Variants in ACAP2 observed in about 807,000 individuals in gnomAD.
ACAP2 encodes ArfGAP with coiled-coil, ankyrin repeat and PH domains 2.
Under a neutral mutation model 115.8 loss-of-function variants are expected in ACAP2, and 39 were observed. That is an observed-to-expected ratio of 0.34 (90% CI 0.26 to 0.44). The LOEUF is 0.44. Ranked by LOEUF, ACAP2 falls within the 20% of genes least tolerant of loss-of-function variation. The probability of loss-of-function intolerance (pLI) is 1.00; values close to 1 mark genes in which losing one functional copy is unlikely to be tolerated. For missense variants in ACAP2, 662 were observed against 927.6 expected (o/e 0.71, Z 3.72); for synonymous variants, 289 against 315.8 (o/e 0.92, Z 0.90).
intron 22 of ACAP2, 186 bp from the exon 23 acceptor site, chr3:195,279,614 A>C: frequency 2.4e-6 from 1 of 414,802 alleles, no homozygotes; most frequent in Admixed American, 4.4e-5. Flanking sequence ...GAAAAAAAAA[A>C]ACTATACCTG....
intron 6 of ACAP2, 146 bp downstream of exon 6, chr3:195,342,325 C>A: frequency 2.7e-6 from 2 of 728,482 alleles, no homozygotes; most frequent in Non-Finnish European, 2.1e-6. Flanking sequence ...CTAATAGCTA[C>A]ACAGATGGAA....
intron 9 of ACAP2, chr3:195,326,493 A>C (rs1037098818): frequency 6.1e-6 from 1 of 164,434 alleles, no homozygotes; most frequent in Admixed American, 6.0e-5. Flanking sequence ...CCAAACACGC[A>C]TGTTGACACT....
Position 195,428,812 on chromosome 3 carries a change from C to T in ACAP2, c.53+13983G>A, listed in dbSNP as rs75235622. Among the ~76,000 whole-genome samples, 710 of 152,184 alleles carry T rather than the reference C, an allele frequency of 4.7e-3. 5 individuals carry two copies. The highest frequency in any genetic ancestry group is 0.016 in the African/African-American group (670 of 41,518). The stretch of plus-strand genomic sequence containing the variant: ...AAATGCTAGCAAGAATGTGGAGCAA[C>T]AGGAACACTCAAATATTGTTGGCAG... On this transcript the variant is annotated intron_variant, in intron 1 of 22. Transcript: ENST00000326793.
At chr3:195,352,563 T>G (rs1188612393) in intron 4 of ACAP2, among the ~76,000 whole-genome samples, 2 of 152,188 alleles carry the variant, frequency 1.3e-5, no homozygotes, top group Admixed American at 6.5e-5. Context: ...CCTACACAGA[T>G]TTTTACATGT....
At chr3:195,295,380 A>T in intron 17 of ACAP2, 1 of 792,752 alleles carries the variant, frequency 1.3e-6, no homozygotes, top group South Asian at 1.5e-5. Context: ...CTGGGAAAAA[A>T]TTTAGGAGGA....
At chr3:195,319,962 G>T (rs1265632292) in intron 10 of ACAP2, among the ~76,000 whole-genome samples, 1 of 152,146 alleles carries the variant, frequency 6.6e-6, no homozygotes, top group African/African-American at 2.4e-5. Flanking sequence ...AAAGGGACCT[G>T]GTGGGAGGTG....
intron 4 of ACAP2, among the ~76,000 whole-genome samples, chr3:195,352,394 A>C (rs1466549088): frequency 1.3e-5 from 2 of 152,246 alleles, no homozygotes; most frequent in Non-Finnish European, 2.9e-5. Context: ...TTAAAAATTA[A>C]TATAAACAAT....
At position 195,404,924 on chromosome 3, in the gene ACAP2, A is replaced by G. The variant is rs1712624376; in HGVS notation, c.54-12777T>C. On this transcript the variant is annotated intron_variant, in intron 1 of 22. Coordinates refer to ENST00000326793, the MANE Select transcript of ACAP2 (RefSeq NM_012287.6). Reference sequence around the variant, plus strand: ...GCGATTCTCCTGCCTCAGCCTCCTGAGTAGCTGGGATTACAGATGAGCACC... The same window carrying G: ...GCGATTCTCCTGCCTCAGCCTCCTGGGTAGCTGGGATTACAGATGAGCACC... Among the ~76,000 whole-genome samples the G allele has an allele frequency of 2.0e-5, 3 of 151,548 alleles. No homozygotes were observed. The South Asian group carries it at 6.3e-4, about 32-fold the overall frequency.
intron 1 of ACAP2, among the ~76,000 whole-genome samples, chr3:195,419,273 C>T (rs1713982953): frequency 1.3e-5 from 2 of 152,182 alleles, no homozygotes; most frequent in Admixed American, 1.3e-4. Context: ...AACCATTAAT[C>T]GACTTTCTGT....
At chr3:195,432,241 T>G (rs1236215674) in intron 1 of ACAP2, among the ~76,000 whole-genome samples, 1 of 152,218 alleles carries the variant, frequency 6.6e-6, no homozygotes, top group Non-Finnish European at 1.5e-5. Context: ...TACTTTAAAT[T>G]TCATACCTAA....
intron 22 of ACAP2, among the ~76,000 whole-genome samples, chr3:195,283,146 G>A (rs1391876037): frequency 1.3e-5 from 2 of 152,150 alleles, no homozygotes; most frequent in African/African-American, 2.4e-5. Flanking sequence ...GCCTGCCAAC[G>A]ATCAAGAAGA....
intron 1 of ACAP2, among the ~76,000 whole-genome samples, chr3:195,423,934 G>A (rs1016120824): frequency 6.6e-6 from 1 of 151,736 alleles, no homozygotes; most frequent in African/African-American, 2.4e-5. Context: ...AAGTTATTAA[G>A]AATTTCAAAA....
At chr3:195,336,877 G>A (rs549982647) in intron 7 of ACAP2, 55 bp downstream of exon 7, 106 of 1,368,352 alleles carry the variant, frequency 7.7e-5, no homozygotes, top group African/African-American at 3.0e-4. Flanking sequence ...ACCTAAATAC[G>A]TACATTTAGT....
intron 1 of ACAP2, among the ~76,000 whole-genome samples, chr3:195,395,759 C>A (rs1328296480): frequency 1.3e-5 from 2 of 152,142 alleles, no homozygotes; most frequent in Non-Finnish European, 2.9e-5. Context: ...GAATGAAAAT[C>A]TTTTCTCATA....
chr3:195,413,211 G>A (rs1393002243), intron 1 of ACAP2, among the ~76,000 whole-genome samples: 3 of 152,042 alleles, frequency 2.0e-5, no homozygotes, highest in Non-Finnish European at 4.4e-5. Flanking sequence ...TTCTTTGGTT[G>A]AGGTACACCA....
At chr3:195,400,218 A>ATATGTGTGTGTATATATATATATG (rs1712166633) in intron 1 of ACAP2, among the ~76,000 whole-genome samples, 1 of 151,776 alleles carries the variant, frequency 6.6e-6, no homozygotes, top group African/African-American at 2.4e-5. Context: ...GTGTATATAT[A>ATATGTGTGTGTATATATATATATG]TATGTGTGTG....
At chr3:195,352,743 A>C (rs1731694335) in intron 4 of ACAP2, among the ~76,000 whole-genome samples, 1 of 152,190 alleles carries the variant, frequency 6.6e-6, no homozygotes, top group South Asian at 2.1e-4. Flanking sequence ...TACTTCTAGC[A>C]AACAGTATCA....
chr3:195,289,007 G>A, intron 21 of ACAP2, 114 bp downstream of exon 21: 2 of 696,306 alleles, frequency 2.9e-6, no homozygotes, highest in Non-Finnish European at 4.9e-6. Flanking sequence ...TAAGGGACAT[G>A]AGCATATGTG....
intron 21 of ACAP2, among the ~76,000 whole-genome samples, chr3:195,287,240 G>A (rs541530468): frequency 3.9e-5 from 6 of 152,086 alleles, no homozygotes; most frequent in Non-Finnish European, 2.9e-5. Context: ...ATAAGGTATC[G>A]GTGACGATTA....
Sources: gnomAD v4.1 joint callset for allele counts (sites outside exome capture counted in the v4.1 genomes callset) on GRCh38, gnomAD v4.1.1 for gene constraint, MANE v1.5 for transcripts, NCBI Gene and HGNC (gene_info 2026-07-23, HGNC 2026-07-21) for gene names.